Variants in CLEC7A observed in about 807,000 individuals in gnomAD.
CLEC7A encodes the protein C-type lectin domain family 7 member A.
In CLEC7A, 25 loss-of-function variants were observed where a neutral mutation model predicts 26.9. The ratio of observed to expected loss-of-function variants is 0.93; its 90% CI spans 0.68 to 1.30. CLEC7A has a LOEUF of 1.30. Ranked by LOEUF, CLEC7A falls within the 50% of genes most tolerant of loss-of-function variation. The pLI is 0.00. For missense variants in CLEC7A, 275 were observed against 286.7 expected (o/e 0.96, Z 0.29); for synonymous variants, 100 against 99.5 (o/e 1.01, Z -0.03).
rs138005591 is a variant in CLEC7A, at chr12:10,125,316, A to G, written c.473T>C (p.Ile158Thr). The change falls in exon 4 of 6, where the codon ATA (isoleucine) becomes ACA (threonine). Residue 158 changes from isoleucine to threonine, a missense_variant. By Grantham distance (89) the Ile-to-Thr change is moderately conservative. Coordinates refer to ENST00000304084, the MANE Select transcript of CLEC7A (RefSeq NM_197947.3). ...ACTTACCAATTCATTTGAGCTGTCT[A>G]TCTTTAGGAGATTAGAGCCCAGTTG... ...CWQLGSNLLK[I>T]DSSNELGFIV... The G allele has an allele frequency of 3.1e-5, 50 of 1,613,594 alleles. No homozygotes were observed. Among genetic ancestry groups the G allele is most frequent in the African/African-American group, 2.8e-4 (21 of 74,878 alleles).
At chr12:10,129,642 G>C (rs1388791996) in intron 1 of CLEC7A, among the ~76,000 whole-genome samples, 17 of 151,958 alleles carry the variant, frequency 1.1e-4, no homozygotes. Context: ...TTCAGAGATG[G>C]AGTCTTGCTC....
At chr12:10,118,698 G>C (rs969531866) in intron 5 of CLEC7A, 108 bp from the exon 6 acceptor site, 1 of 920,640 alleles carries the variant, frequency 1.1e-6, no homozygotes, top group Non-Finnish European at 1.6e-6. Flanking sequence ...GTTCTGAAGT[G>C]TTTCTATTAT....
Position 10,125,432 on chromosome 12 carries a change from A to G in CLEC7A, c.357T>C (p.Pro119=). The change falls in exon 4 of 6, where the codon CCT becomes CCC. Residue 119 remains proline, a synonymous_variant. Transcript: ENST00000304084. ...CATATATAATCCAATTAGGAGGACAAGGGCTGGAAAGAACCCCTGGAAATA... is the reference window on the plus strand; with the variant it reads ...CATATATAATCCAATTAGGAGGACAGGGGCTGGAAAGAACCCCTGGAAATA... ...AVKTTGVLSS[P]CPPNWIIYEK... is the part of the protein sequence containing the mutation. 6.2e-7 allele frequency: 1 copy of G among 1,611,818 alleles called. No individual in the cohort carries two copies. Among genetic ancestry groups the G allele is most frequent in the Non-Finnish European group, 8.5e-7 (1 of 1,179,518 alleles).
chr12:10,120,671 G>A lies in CLEC7A; in HGVS notation c.612-2081C>T, dbSNP rs373733353. On this transcript the variant is annotated intron_variant, in intron 5 of 5. Transcript: ENST00000304084. ...TCGAACTCCAGAGATCAAGTGATCCGCCTGCCTCGGCCTCCCAAAGTGCTG... is the reference window on the plus strand; with the variant it reads ...TCGAACTCCAGAGATCAAGTGATCCACCTGCCTCGGCCTCCCAAAGTGCTG... 2.1e-3 allele frequency among the ~76,000 whole-genome samples: 317 copies of A among 150,548 alleles called. 1 individual carries two copies. The highest frequency in any genetic ancestry group is 7.5e-3 in the African/African-American group (308 of 40,964).
At chr12:10,127,082 C>G in intron 2 of CLEC7A, 1 of 1,381,692 alleles carries the variant, frequency 7.2e-7, no homozygotes, top group Admixed American at 2.3e-5. Flanking sequence ...TGAGAAACTG[C>G]CCAGTACCTA....
chr12:10,127,517 A>G (rs369756018), intron 2 of CLEC7A: 1 of 1,400,058 alleles, frequency 7.1e-7, no homozygotes, highest in Non-Finnish European at 1.0e-6. Flanking sequence ...ATTTCTAATC[A>G]TGGTCCCACC....
intron 2 of CLEC7A, chr12:10,127,279 G>C: frequency 6.8e-7 from 1 of 1,461,790 alleles, no homozygotes; most frequent in Non-Finnish European, 9.2e-7. Flanking sequence ...TTATATTAAA[G>C]ATCGGAAATA....
rs781443517 is a variant in CLEC7A, at chr12:10,125,435, G to A, written c.354C>T (p.Ser118=). The part of the protein sequence containing the change: ...KAVKTTGVLS[S]PCPPNWIIYE... ...ATATAATCCAATTAGGAGGACAAGG[G>A]CTGGAAAGAACCCCTGGAAATAAAA... The change falls in exon 4 of 6, where the codon AGC becomes AGT. Residue 118 remains serine, a synonymous_variant. Coordinates refer to ENST00000304084, the MANE Select transcript of CLEC7A (RefSeq NM_197947.3). 1.9e-6 allele frequency: 3 copies of A among 1,611,496 alleles called. No individual in the cohort carries two copies. Among genetic ancestry groups the A allele is most frequent in the South Asian group, 2.2e-5 (2 of 90,966 alleles).
rs1448050918 is a variant in CLEC7A, at chr12:10,118,327, A to G, written c.*131T>C. 3 of 805,786 alleles carry G rather than the reference A, an allele frequency of 3.7e-6. No homozygotes were observed. The highest frequency in any genetic ancestry group is 5.9e-6 in the Non-Finnish European group (3 of 512,480). 49.9% of individuals were successfully genotyped at this position (805,786 alleles called of 1,614,324 possible). A position where few individuals can be genotyped will look rare whatever the true frequency, so the allele number is the denominator to read the frequency against. ...AGCCTCTCCCTTCAATTTCTTGGTT[A>G]AGATTACAGTTGGCCAAGCTCTCTA... is the stretch of plus-strand genomic sequence containing the variant. On this transcript the variant is annotated 3_prime_UTR_variant, in exon 6 of 6. Transcript: ENST00000304084.
At position 10,116,976 on chromosome 12, in the gene CLEC7A, AT is replaced by A. The variant is rs1947932655; in HGVS notation, c.*1481del. ...GCACCAGTGGGAAAGTATGAAAAAA[AT>A]AAGACAAATCAGCACATGAGGAAAT... On this transcript the variant is annotated 3_prime_UTR_variant, in exon 6 of 6. Transcript: ENST00000304084. 1 of 152,226 alleles carries A rather than the reference AT, an allele frequency of 6.6e-6. No homozygotes were observed. Among genetic ancestry groups the A allele is most frequent in the Admixed American group, 6.5e-5 (1 of 15,280 alleles). 9.4% of individuals were successfully genotyped at this position (152,226 alleles called of 1,614,324 possible). A position where few individuals can be genotyped will look rare whatever the true frequency, so the allele number is the denominator to read the frequency against.
Position 10,118,522 on chromosome 12 carries a change from A to G in CLEC7A, c.680T>C (p.Val227Ala), listed in dbSNP as rs749063912. Residue 227 changes from valine to alanine, a missense_variant, in exon 6 of 6, where the codon GTC becomes GCC. By Grantham distance (64) the Val-to-Ala change is moderately conservative. Coordinates refer to ENST00000304084, the MANE Select transcript of CLEC7A (RefSeq NM_197947.3). ...CACACTACACAGTTGGTCATAAATGACTGACACGTGAATCCATACACAATT... is the reference window on the plus strand; with the variant it reads ...CACACTACACAGTTGGTCATAAATGGCTGACACGTGAATCCATACACAATT... ...SPNCVWIHVS[V>A]IYDQLCSVPS... The G allele has an allele frequency of 6.2e-7, 1 of 1,612,676 alleles. No individual in the cohort carries two copies. The highest frequency in any genetic ancestry group is 8.5e-7 in the Non-Finnish European group (1 of 1,178,680).
chr12:10,123,341 G>A lies in CLEC7A; in HGVS notation c.515C>T (p.Ser172Phe). Residue 172 changes from serine to phenylalanine, a missense_variant, in exon 5 of 6, where the codon TCT becomes TTT. Ser to Phe is a radical substitution (Grantham distance 155). Coordinates refer to ENST00000304084, the MANE Select transcript of CLEC7A (RefSeq NM_197947.3). ...NELGFIVKQV[S>F]SQPDNSFWIG... ...CCAAAATGAATTATCAGGTTGGGAAGACACTTGTTTTACTATAAATCCCTG... is the reference window on the plus strand; with the variant it reads ...CCAAAATGAATTATCAGGTTGGGAAAACACTTGTTTTACTATAAATCCCTG... 6.2e-7 allele frequency: 1 copy of A among 1,607,764 alleles called. No homozygotes were observed. Among genetic ancestry groups the A allele is most frequent in the Non-Finnish European group, 8.5e-7 (1 of 1,174,158 alleles).
chr12:10,120,849 G>C (rs1200168754), intron 5 of CLEC7A, among the ~76,000 whole-genome samples: 5 of 149,586 alleles, frequency 3.3e-5, no homozygotes, highest in African/African-American at 4.9e-5. Context: ...CCGTCTCCCG[G>C]GTTGAAGCAA....
chr12:10,122,202 T>A (rs1416171959), intron 5 of CLEC7A, among the ~76,000 whole-genome samples: 1 of 151,280 alleles, frequency 6.6e-6, no homozygotes, highest in Non-Finnish European at 1.5e-5. Context: ...CACACACTAA[T>A]AATAAGAACT....
At chr12:10,129,382 A>G (rs1041205857) in intron 1 of CLEC7A, among the ~76,000 whole-genome samples, 1 of 152,196 alleles carries the variant, frequency 6.6e-6, no homozygotes, top group Non-Finnish European at 1.5e-5. Flanking sequence ...CTTATTACCA[A>G]TTCCTCACTG....
intron 4 of CLEC7A, 117 bp downstream of exon 4, chr12:10,125,180 C>CAAAAA: frequency 6.7e-6 from 4 of 598,982 alleles, no homozygotes; most frequent in African/African-American, 2.5e-5. Flanking sequence ...GACTCTGCCT[C>CAAAAA]AAAAAAAAAA....
At chr12:10,128,830 T>G (rs1948395195) in intron 1 of CLEC7A, among the ~76,000 whole-genome samples, 1 of 152,126 alleles carries the variant, frequency 6.6e-6, no homozygotes, top group South Asian at 2.1e-4. Context: ...AAGAATTACA[T>G]CAGTGCTGAG....
In CLEC7A at chr12:10,117,032, A is replaced by T. The variant is rs1315379411; in HGVS notation, c.*1426T>A. The T allele has an allele frequency of 6.6e-6, 1 of 152,222 alleles. No homozygotes were observed. Among genetic ancestry groups the T allele is most frequent in the African/African-American group, 2.4e-5 (1 of 41,454 alleles). The allele number at this position is 152,222 out of a possible 1,614,324, so 9.4% of individuals were successfully genotyped here. The stretch of plus-strand genomic sequence containing the variant: ...TTTCATTCCAATAATACCATTTTAC[A>T]GTAATTACTGAAAAAAATGGTAAAA... On this transcript the variant is annotated 3_prime_UTR_variant, in exon 6 of 6. Transcript: ENST00000304084.
rs753357530 is a variant in CLEC7A, at chr12:10,123,283, T to G, written c.573A>C (p.Pro191=). Residue 191 remains proline (P), a synonymous_variant, in exon 5 of 6, where the codon CCA becomes CCC. Transcript: ENST00000304084. ...ATGTTGATCCATCCTCCCAGAGCCA[T>G]GGTACCTCAGTCTGGGGCCGAGAAA... ...IGLSRPQTEV[P]WLWEDGSTFS... is the part of the protein sequence containing the mutation. 2 of 1,612,896 alleles carry G rather than the reference T, an allele frequency of 1.2e-6. No homozygotes were observed. The highest frequency in any genetic ancestry group is 8.5e-7 in the Non-Finnish European group (1 of 1,178,858).
Sources: allele counts gnomAD v4.1 joint callset (sites outside exome capture counted in the v4.1 genomes callset), GRCh38; gene constraint gnomAD v4.1.1; transcripts MANE v1.5; gene names NCBI Gene and HGNC (gene_info 2026-07-23, HGNC 2026-07-21).